The following AUTS2 variants were observed in gnomAD, a reference collection of about 807,000 sequenced individuals.
AUTS2 encodes the protein activator of transcription and developmental regulator AUTS2.
A neutral mutation model predicts 112.4 loss-of-function variants in AUTS2; 17 were observed. The observed-to-expected ratio is 0.15, with a 90% CI of 0.10 to 0.23. The LOEUF is 0.23. Among genes scored for constraint, AUTS2 ranks in the 10% least tolerant of loss-of-function variants. AUTS2 has a pLI of 1.00. For missense variants in AUTS2, 1,510 were observed against 1,701.6 expected (o/e 0.89, Z 1.98); for synonymous variants, 751 against 702.7 (o/e 1.07, Z -1.09).
At chr7:69,675,698 G>T (rs1412446940) in intron 1 of AUTS2, among the ~76,000 whole-genome samples, 1 of 151,738 alleles carries the variant, frequency 6.6e-6, no homozygotes, top group African/African-American at 2.4e-5. Flanking sequence ...GTGGAGACGG[G>T]GTTTCTCTAT....
chr7:69,680,225 A>C (rs2851514), intron 1 of AUTS2, among the ~76,000 whole-genome samples: 93,595 of 152,118 alleles, frequency 0.62, 29,100 homozygotes, highest in East Asian at 0.7. Context: ...TGATTCATTT[A>C]TGAATACTTA....
intron 4 of AUTS2, among the ~76,000 whole-genome samples, chr7:70,280,036 C>T (rs1370167936): frequency 7.9e-5 from 12 of 152,086 alleles, no homozygotes; most frequent in Non-Finnish European, 1.3e-4. Context: ...TCTTTACTTA[C>T]GAAATGAGAA....
At chr7:70,017,336 C>G (rs1800074358) in intron 2 of AUTS2, among the ~76,000 whole-genome samples, 1 of 152,160 alleles carries the variant, frequency 6.6e-6, no homozygotes, top group Non-Finnish European at 1.5e-5. Flanking sequence ...TTATATTGAT[C>G]AGAACCAAGT....
chr7:69,808,136 C>G (rs568489843), intron 1 of AUTS2, among the ~76,000 whole-genome samples: 1 of 152,196 alleles, frequency 6.6e-6, no homozygotes, highest in East Asian at 1.9e-4. Context: ...CCATGTTGTT[C>G]AGACTCATCT....
At chr7:70,385,871 G>A (rs756832600) in intron 4 of AUTS2, among the ~76,000 whole-genome samples, 21 of 152,130 alleles carry the variant, frequency 1.4e-4, no homozygotes, top group Non-Finnish European at 2.4e-4. Context: ...GTATCACACC[G>A]CAGCAGTGGC....
rs369003777 is a variant in AUTS2, at chr7:70,524,497, G to C, written c.690+88716G>C. Among the ~76,000 whole-genome samples, 11 of 152,298 alleles carry C rather than the reference G, an allele frequency of 7.2e-5. No individual in the cohort carries two copies. The South Asian group carries it at 2.3e-3, about 32-fold the overall frequency. The stretch of plus-strand genomic sequence containing the variant: ...CATGCCTACATTAACTGGTGGAAGA[G>C]CTCTCAGTTGCATTAAGCTCCCTGG... On this transcript the variant is annotated intron_variant, in intron 5 of 18. Coordinates refer to ENST00000342771, the MANE Select transcript of AUTS2 (RefSeq NM_015570.4).
chr7:70,762,527 CAA>C (rs1446091055), intron 6 of AUTS2, among the ~76,000 whole-genome samples: 2 of 152,074 alleles, frequency 1.3e-5, no homozygotes, highest in African/African-American at 4.8e-5. Context: ...CTCGGCCTCT[CAA>C]AGTGTTGAGA....
At chr7:70,401,746 G>T (rs146080551) in intron 4 of AUTS2, among the ~76,000 whole-genome samples, 5 of 152,334 alleles carry the variant, frequency 3.3e-5, no homozygotes, top group Non-Finnish European at 7.3e-5. Context: ...CATCTAGAAA[G>T]ATCTGCAAAC....
chr7:70,651,731 T>TAGCTGA (rs1806518239), intron 5 of AUTS2, among the ~76,000 whole-genome samples: 1 of 152,182 alleles, frequency 6.6e-6, no homozygotes, highest in Non-Finnish European at 1.5e-5. Flanking sequence ...CATCGGAAGT[T>TAGCTGA]AGGGACCATC....
At chr7:69,971,198 T>G (rs776147177) in intron 2 of AUTS2, among the ~76,000 whole-genome samples, 42 of 152,152 alleles carry the variant, frequency 2.8e-4, no homozygotes, top group Non-Finnish European at 5.4e-4. Context: ...TTTTCCCCCC[T>G]AAATGCTACT....
At chr7:70,640,920 C>A (rs919549323) in intron 5 of AUTS2, among the ~76,000 whole-genome samples, 2 of 152,180 alleles carry the variant, frequency 1.3e-5, no homozygotes, top group African/African-American at 4.8e-5. Context: ...CTCCCAGCCT[C>A]CCGGGCTTCT....
intron 5 of AUTS2, among the ~76,000 whole-genome samples, chr7:70,686,346 A>T (rs1022869368): frequency 6.6e-6 from 1 of 152,148 alleles, no homozygotes; most frequent in Non-Finnish European, 1.5e-5. Context: ...TACTTTCTAG[A>T]TGTGGAAACT....
At chr7:70,516,353 C>T (rs1339213086) in intron 5 of AUTS2, among the ~76,000 whole-genome samples, 1 of 152,154 alleles carries the variant, frequency 6.6e-6, no homozygotes, top group Non-Finnish European at 1.5e-5. Flanking sequence ...ATGGTACTGC[C>T]AGCAAAGAGA....
At chr7:70,297,354 T>C (rs1265493877) in intron 4 of AUTS2, among the ~76,000 whole-genome samples, 6 of 150,950 alleles carry the variant, frequency 4.0e-5, no homozygotes, top group South Asian at 2.1e-4. Context: ...TTGAGGGAGG[T>C]TTCAGAGAAG....
chr7:70,415,126 GC>G (rs1001983362), intron 4 of AUTS2, among the ~76,000 whole-genome samples: 1 of 152,168 alleles, frequency 6.6e-6, no homozygotes, highest in African/African-American at 2.4e-5. Flanking sequence ...TTCTCAAAGA[GC>G]CCCACCTCAG....
intron 6 of AUTS2, among the ~76,000 whole-genome samples, chr7:70,762,035 AC>A (rs1401668663): frequency 6.6e-6 from 1 of 152,232 alleles, no homozygotes; most frequent in African/African-American, 2.4e-5. Context: ...CACTTGCTGA[AC>A]AAAAAATTAT....
chr7:70,618,063 ACT>A (rs914812752), intron 5 of AUTS2, among the ~76,000 whole-genome samples: 1 of 152,196 alleles, frequency 6.6e-6, no homozygotes, highest in East Asian at 1.9e-4. Flanking sequence ...TTCGAAGGAA[ACT>A]CTGAGAAAAA....
At chr7:70,589,105 C>T (rs530098826) in intron 5 of AUTS2, among the ~76,000 whole-genome samples, 33 of 152,314 alleles carry the variant, frequency 2.2e-4, no homozygotes, top group African/African-American at 6.5e-4. Flanking sequence ...CCGTAAAAAG[C>T]GGCCAGTCAC....
intron 5 of AUTS2, among the ~76,000 whole-genome samples, chr7:70,633,498 C>G (rs1805375968): frequency 6.6e-6 from 1 of 151,730 alleles, no homozygotes; most frequent in African/African-American, 2.4e-5. Context: ...GTAATCCCAG[C>G]TGCTCGGGAG....
Sources: allele counts gnomAD v4.1 joint callset (sites outside exome capture counted in the v4.1 genomes callset), GRCh38; gene constraint gnomAD v4.1.1; transcripts MANE v1.5; gene names NCBI Gene and HGNC (gene_info 2026-07-23, HGNC 2026-07-21).